The following CNTN1 variants were observed in gnomAD, a reference collection of about 807,000 sequenced individuals.
The protein encoded by CNTN1 is contactin 1.
A neutral mutation model predicts 126.4 loss-of-function variants in CNTN1; 38 were observed. That is an observed-to-expected ratio of 0.30 (90% CI 0.23 to 0.39). The LOEUF (loss-of-function observed/expected upper bound fraction) is 0.39. CNTN1 is among the 10% of genes least tolerant of loss of function. The pLI is 1.00. For synonymous variants in CNTN1, 413 were observed against 422.6 expected (o/e 0.98, Z 0.28); for missense variants, 1,009 against 1,248.4 (o/e 0.81, Z 2.89).
intron 15 of CNTN1, 118 bp downstream of exon 15, chr12:40,959,352 C>T (rs1947021781): frequency 2.8e-6 from 3 of 1,069,302 alleles, no homozygotes; most frequent in Non-Finnish European, 4.2e-6. Context: ...CAATCCCATG[C>T]TTAAGAATGG....
At chr12:41,068,664 C>A (rs1039046919) in intron 23 of CNTN1, among the ~76,000 whole-genome samples, 2 of 151,950 alleles carry the variant, frequency 1.3e-5, no homozygotes, top group Non-Finnish European at 2.9e-5. Flanking sequence ...AAGGACCATG[C>A]CAAAGAATGA....
At chr12:41,041,850 T>G (rs575760422) in intron 23 of CNTN1, among the ~76,000 whole-genome samples, 1 of 152,260 alleles carries the variant, frequency 6.6e-6, no homozygotes, top group East Asian at 1.9e-4. Context: ...ATTTTGTTGA[T>G]CCTTTCAAAA....
At chr12:40,875,902 A>C (rs1943651929) in intron 1 of CNTN1, among the ~76,000 whole-genome samples, 1 of 152,118 alleles carries the variant, frequency 6.6e-6, no homozygotes, top group South Asian at 2.1e-4. Context: ...ACTAGGCCAT[A>C]TCACATCCTG....
intron 1 of CNTN1, among the ~76,000 whole-genome samples, chr12:40,720,529 G>C (rs1047935047): frequency 6.6e-6 from 1 of 152,120 alleles, no homozygotes; most frequent in African/African-American, 2.4e-5. Flanking sequence ...TTTTTGAGAA[G>C]TGAATTGTAT....
At chr12:40,830,840 TTATC>T (rs1941797956) in intron 1 of CNTN1, among the ~76,000 whole-genome samples, 2 of 111,562 alleles carry the variant, frequency 1.8e-5, no homozygotes, top group African/African-American at 6.6e-5. Flanking sequence ...TATATACTCT[TTATC>T]TGTCTACCTA....
chr12:40,987,439 C>T (rs1040597603), intron 16 of CNTN1, among the ~76,000 whole-genome samples: 3 of 152,026 alleles, frequency 2.0e-5, no homozygotes, highest in Non-Finnish European at 4.4e-5. Flanking sequence ...ATGCTCAGGT[C>T]GTTGTTAGAA....
In CNTN1 at chr12:40,705,435, T is replaced by C. The variant is rs144458319; in HGVS notation, c.-77+12843T>C. Among the ~76,000 whole-genome samples, 176 of 152,342 alleles carry C rather than the reference T, an allele frequency of 1.2e-3. 2 individuals carry two copies. The highest frequency in any genetic ancestry group is 0.011 in the Admixed American group (169 of 15,300). On this transcript the variant is annotated intron_variant, in intron 1 of 23. Transcript: ENST00000551295. ...GAGATGGGGTAAGCGTTGTTGATGA[T>C]GGGTAGTAATAGAGAATTATTCCAT...
intron 14 of CNTN1, among the ~76,000 whole-genome samples, chr12:40,952,467 A>G (rs1299584873): frequency 6.6e-6 from 1 of 152,138 alleles, no homozygotes; most frequent in Non-Finnish European, 1.5e-5. Context: ...TAGGAGTTCA[A>G]TAGTAGTATC....
chr12:41,064,813 ATAT>A (rs1431967450), intron 23 of CNTN1, among the ~76,000 whole-genome samples: 2 of 145,852 alleles, frequency 1.4e-5, no homozygotes, highest in African/African-American at 2.6e-5. Context: ...GCCATGAGAC[ATAT>A]TATTATCCCT....
intron 17 of CNTN1, among the ~76,000 whole-genome samples, chr12:41,010,876 T>A (rs957688670): frequency 1.3e-5 from 2 of 151,326 alleles, no homozygotes; most frequent in Non-Finnish European, 2.9e-5. Context: ...TTTTTTTTTT[T>A]AGAGGAACTG....
intron 21 of CNTN1, 60 bp downstream of exon 21, chr12:41,025,396 A>G (rs1949016839): frequency 6.5e-7 from 1 of 1,535,392 alleles, no homozygotes; most frequent in Admixed American, 1.7e-5. Flanking sequence ...CAATCATGAT[A>G]CGAATATATT....
intron 1 of CNTN1, among the ~76,000 whole-genome samples, chr12:40,893,358 G>A (rs1944305398): frequency 6.6e-6 from 1 of 151,900 alleles, no homozygotes; most frequent in African/African-American, 2.4e-5. Context: ...AACTTTATAT[G>A]TTCAAAATTA....
At chr12:40,992,250 C>A (rs1258861521) in intron 16 of CNTN1, among the ~76,000 whole-genome samples, 1 of 152,050 alleles carries the variant, frequency 6.6e-6, no homozygotes, top group East Asian at 1.9e-4. Flanking sequence ...AGAAACTGGA[C>A]CCTGGGGTGC....
chr12:40,900,471 G>A (rs1228995074), intron 1 of CNTN1, among the ~76,000 whole-genome samples: 2 of 152,102 alleles, frequency 1.3e-5, no homozygotes, highest in Non-Finnish European at 2.9e-5. Context: ...GCCTTGTAAA[G>A]TTTGAGAAAA....
chr12:40,901,334 A>C (rs1944601231), intron 1 of CNTN1, among the ~76,000 whole-genome samples: 1 of 152,234 alleles, frequency 6.6e-6, no homozygotes. Context: ...AATAACGCTA[A>C]GTCAGTGTTT....
intron 1 of CNTN1, among the ~76,000 whole-genome samples, chr12:40,806,573 C>T (rs1940865023): frequency 6.6e-6 from 1 of 152,146 alleles, no homozygotes; most frequent in Admixed American, 6.6e-5. Context: ...GCTCTCTGGT[C>T]TCCTTCCCTA....
chr12:40,945,311 C>A (rs1946395064), intron 14 of CNTN1, among the ~76,000 whole-genome samples: 1 of 151,914 alleles, frequency 6.6e-6, no homozygotes, highest in Non-Finnish European at 1.5e-5. Flanking sequence ...ACCAAAATCT[C>A]CAATACTTTA....
At chr12:40,764,781 C>G (rs2136422054) in intron 1 of CNTN1, among the ~76,000 whole-genome samples, 1 of 152,216 alleles carries the variant, frequency 6.6e-6, no homozygotes, top group East Asian at 1.9e-4. Flanking sequence ...TCAGCAATGT[C>G]CCTTAGAATT....
intron 3 of CNTN1, among the ~76,000 whole-genome samples, chr12:40,916,488 G>A (rs1592251722): frequency 6.6e-6 from 1 of 152,180 alleles, no homozygotes; most frequent in East Asian, 1.9e-4. Flanking sequence ...AAAGTCTTCA[G>A]TAATCAGGAT....
Sources: gnomAD v4.1 joint callset for allele counts (sites outside exome capture counted in the v4.1 genomes callset) on GRCh38, gnomAD v4.1.1 for gene constraint, MANE v1.5 for transcripts, NCBI Gene and HGNC (gene_info 2026-07-23, HGNC 2026-07-21) for gene names.